Variants in LUC7L3 observed in about 807,000 individuals in gnomAD.
The protein encoded by LUC7L3 is luc7-like protein 3.
In LUC7L3, 6 loss-of-function variants were observed where a neutral mutation model predicts 66.8. The ratio of observed to expected loss-of-function variants is 0.09; its 90% CI spans 0.05 to 0.18. LUC7L3 has a LOEUF of 0.18. Among genes scored for constraint, LUC7L3 ranks in the 10% least tolerant of loss-of-function variants. The pLI is 1.00. For missense variants in LUC7L3, 341 were observed against 531.1 expected (o/e 0.64, Z 3.52); for synonymous variants, 160 against 174.7 (o/e 0.92, Z 0.66).
At position 50,738,869 on chromosome 17, in the gene LUC7L3, C is replaced by A. The variant is rs1055372; in HGVS notation, c.167-1437C>A. ...TGAATGAAAAAGATCCATACCTAGG[C>A]ATACCCCTGTGAAATTTTAGAACAC... On this transcript the variant is annotated intron_variant, in intron 2 of 9. Transcript: ENST00000505658. 4.1e-3 allele frequency among the ~76,000 whole-genome samples: 626 copies of A among 152,028 alleles called. 3 individuals are homozygous for A. The highest frequency in any genetic ancestry group is 0.015 in the African/African-American group (609 of 41,480).
chr17:50,744,850 T>G (rs1476116713), intron 7 of LUC7L3, 37 bp downstream of exon 7: 4 of 1,577,222 alleles, frequency 2.5e-6, no homozygotes, highest in Non-Finnish European at 3.5e-6. Flanking sequence ...AGATTCTTGC[T>G]CTGTCACCTA....
rs118119048 is a variant in LUC7L3 at position 50,752,580 on chromosome 17, C to G, written c.*1919C>G. On this transcript the variant is annotated 3_prime_UTR_variant, in exon 10 of 10. Coordinates refer to ENST00000505658, the MANE Select transcript of LUC7L3 (RefSeq NM_016424.5). ...ACTAAGTGGGATTTCATTTTTACAA[C>G]TCTGCTCTACTTAGCCTTTGGATTT... The G allele has an allele frequency of 3.9e-3, 596 of 154,230 alleles. 3 individuals carry two copies. Among genetic ancestry groups the G allele is most frequent in the Non-Finnish European group, 5.5e-3 (378 of 69,136 alleles). The allele number at this position is 154,230 out of a possible 1,614,324, so 9.6% of individuals were successfully genotyped here. A position where few individuals can be genotyped will look rare whatever the true frequency, so the allele number is the denominator to read the frequency against.
At chr17:50,730,331 T>C (rs1969504157) in intron 1 of LUC7L3, among the ~76,000 whole-genome samples, 1 of 151,204 alleles carries the variant, frequency 6.6e-6, no homozygotes, top group South Asian at 2.1e-4. Flanking sequence ...GAGTTCGAGA[T>C]CAACCATGGT....
At chr17:50,721,808 A>G (rs1968785500) in intron 1 of LUC7L3, among the ~76,000 whole-genome samples, 1 of 152,166 alleles carries the variant, frequency 6.6e-6, no homozygotes, top group South Asian at 2.1e-4. Flanking sequence ...CTATAGCCTA[A>G]TATTTTAACA....
At chr17:50,726,819 G>A (rs1017254873) in intron 1 of LUC7L3, among the ~76,000 whole-genome samples, 1 of 152,092 alleles carries the variant, frequency 6.6e-6, no homozygotes, top group African/African-American at 2.4e-5. Flanking sequence ...GCCAGGCACG[G>A]TGGCTTACGT....
intron 1 of LUC7L3, among the ~76,000 whole-genome samples, chr17:50,732,394 CTTAT>C (rs1311105903): frequency 6.6e-6 from 1 of 151,942 alleles, no homozygotes; most frequent in Non-Finnish European, 1.5e-5. Context: ...TTATTACCTC[CTTAT>C]TTATTTGAGT....
At chr17:50,746,145 C>A in intron 8 of LUC7L3, 142 bp downstream of exon 8, 1 of 1,306,820 alleles carries the variant, frequency 7.7e-7, no homozygotes, top group South Asian at 2.2e-5. Context: ...AGAGCGGAAT[C>A]AGTGAATAAA....
chr17:50,737,013 A>T lies in LUC7L3; in HGVS notation c.153A>T (p.Thr51=). The change falls in exon 2 of 10, where the codon ACA becomes ACT. Residue 51 remains threonine, a synonymous_variant. Transcript: ENST00000505658. ...GFCPAELFTN[T]RSDLGPCEKI... ...GTCCTGCGGAATTGTTCACAAATAC[A>T]CGTTCTGATCTTGGTAAGTGAATTT... 1 of 1,608,754 alleles carries T rather than the reference A, an allele frequency of 6.2e-7. No homozygotes were observed. Among genetic ancestry groups the T allele is most frequent in the Non-Finnish European group, 8.5e-7 (1 of 1,176,754 alleles).
chr17:50,741,612 C>T, intron 4 of LUC7L3, 45 bp from the exon 5 acceptor site: 1 of 1,253,080 alleles, frequency 8.0e-7, no homozygotes, highest in Non-Finnish European at 1.2e-6. Flanking sequence ...GCATGTTTAT[C>T]TTTGTTTTCA....
At position 50,752,780 on chromosome 17, in the gene LUC7L3, TTGTTC is replaced by T. The variant is rs763183405; in HGVS notation, c.*2124_*2128del. 1 of 152,224 alleles carries T rather than the reference TTGTTC, an allele frequency of 6.6e-6. No individual in the cohort carries two copies. The highest frequency in any genetic ancestry group is 1.5e-5 in the Non-Finnish European group (1 of 68,050). The allele number at this position is 152,224 out of a possible 1,614,324, so 9.4% of individuals were successfully genotyped here. On this transcript the variant is annotated 3_prime_UTR_variant, in exon 10 of 10. Coordinates refer to ENST00000505658, the MANE Select transcript of LUC7L3 (RefSeq NM_016424.5). ...GTGTTGGTGTACAGTTTTATCTGAT[TTGTTC>T]TGTTTAAGACTAATTTTTATAGACT...
chr17:50,726,266 G>A (rs953532066), intron 1 of LUC7L3, among the ~76,000 whole-genome samples: 102 of 152,176 alleles, frequency 6.7e-4, no homozygotes, highest in African/African-American at 2.3e-3. Context: ...CTGCTTCCCA[G>A]GTTCAAGCAG....
chr17:50,751,649 G>C lies in LUC7L3; in HGVS notation c.*988G>C. ...TTGTTACACTCAATGCAATTCTCAAGTCTATAAGAGGTATGTGCTTAATAT... is the reference window on the plus strand; with the variant it reads ...TTGTTACACTCAATGCAATTCTCAACTCTATAAGAGGTATGTGCTTAATAT... On this transcript the variant is annotated 3_prime_UTR_variant, in exon 10 of 10. Coordinates refer to ENST00000505658, the MANE Select transcript of LUC7L3 (RefSeq NM_016424.5). The C allele has an allele frequency of 9.0e-7, 1 of 1,109,758 alleles. No homozygotes were observed. The highest frequency in any genetic ancestry group is 1.1e-6 in the Non-Finnish European group (1 of 900,562). The allele number at this position is 1,109,758 out of a possible 1,614,324, so 68.7% of individuals were successfully genotyped here. A position where few individuals can be genotyped will look rare whatever the true frequency, so the allele number is the denominator to read the frequency against.
rs1183815790 is a variant in LUC7L3, at chr17:50,746,571, A to G, written c.1007A>G (p.His336Arg). The change falls in exon 9 of 10, where the codon CAT (histidine) becomes CGT (arginine). Residue 336 changes from histidine (H) to arginine (R), a missense_variant. His to Arg is a conservative substitution (Grantham distance 29). This residue lies in a region of LUC7L3 where 210 missense variants were observed against 238.1 expected (regional missense o/e 0.88). Coordinates refer to ENST00000505658, the MANE Select transcript of LUC7L3 (RefSeq NM_016424.5). Reference protein sequence around the residue: ...RSRDRRRSRSHDRSERKHRSR... With the variant: ...RSRDRRRSRSRDRSERKHRSR... The stretch of plus-strand genomic sequence containing the variant: ...AGAGATCGACGAAGAAGCAGAAGCC[A>G]TGATCGATCAGAAAGAAAACACAGA... The G allele has an allele frequency of 3.7e-6, 6 of 1,613,958 alleles. No homozygotes were observed. The South Asian group carries it at 5.5e-5, about 15-fold the overall frequency.
At chr17:50,740,051 C>T (rs1481427359) in intron 2 of LUC7L3, among the ~76,000 whole-genome samples, 1 of 152,116 alleles carries the variant, frequency 6.6e-6, no homozygotes, top group Non-Finnish European at 1.5e-5. Context: ...TTTTCTCCCT[C>T]CCTCCTTTAC....
chr17:50,719,971 A>G lies in LUC7L3; in HGVS notation c.99+140A>G, dbSNP rs1347430326. 35 of 703,458 alleles carry G rather than the reference A, an allele frequency of 5.0e-5. No homozygotes were observed. In the East Asian group the frequency reaches 9.9e-4, roughly 20 times the overall value. 43.6% of individuals were successfully genotyped at this position (703,458 alleles called of 1,614,324 possible). Reference sequence around the variant, plus strand: ...CGTCTGACCCGGTGCCCATGGAGCCAGGAGGGAGGATGCTGTCCGGACCCG... The same window carrying G: ...CGTCTGACCCGGTGCCCATGGAGCCGGGAGGGAGGATGCTGTCCGGACCCG... On this transcript the variant is annotated intron_variant, in intron 1 of 9. Transcript: ENST00000505658.
rs1970637882 is a variant in LUC7L3 at position 50,745,844 on chromosome 17, G to A, written c.818G>A (p.Arg273Gln). ...AGGGAAGAAAGAGAAAGGAAAAGACGAAGGGAAGAGGAAGAAAGAGAAAAA... is the reference window on the plus strand; with the variant it reads ...AGGGAAGAAAGAGAAAGGAAAAGACAAAGGGAAGAGGAAGAAAGAGAAAAA... The part of the protein sequence containing the change: ...REREERERKR[R>Q]REEEEREKER... The change falls in exon 8 of 10, where the codon CGA (arginine) becomes CAA (glutamine). Residue 273 changes from arginine to glutamine, a missense_variant. Arg to Gln is a conservative substitution (Grantham distance 43). Coordinates refer to ENST00000505658, the MANE Select transcript of LUC7L3 (RefSeq NM_016424.5). 3.8e-6 allele frequency: 6 copies of A among 1,588,498 alleles called. No homozygotes were observed. The highest frequency in any genetic ancestry group is 2.6e-6 in the Non-Finnish European group (3 of 1,161,182).
Position 50,753,926 on chromosome 17 carries a change from T to A in LUC7L3, c.*3265T>A, listed in dbSNP as rs1971062982. On this transcript the variant is annotated 3_prime_UTR_variant, in exon 10 of 10. Coordinates refer to ENST00000505658, the MANE Select transcript of LUC7L3 (RefSeq NM_016424.5). ...GAAGTTACCTGGGATGTGGGGGTGG[T>A]GGGAGGAGGACCTGCCTCCCCAGGA... 6.6e-6 allele frequency: 1 copy of A among 152,134 alleles called. No homozygotes were observed. The highest frequency in any genetic ancestry group is 1.5e-5 in the Non-Finnish European group (1 of 68,024). The allele number at this position is 152,134 out of a possible 1,614,324, so 9.4% of individuals were successfully genotyped here.
At chr17:50,721,425 A>G (rs1192165679) in intron 1 of LUC7L3, among the ~76,000 whole-genome samples, 1 of 152,164 alleles carries the variant, frequency 6.6e-6, no homozygotes, top group Non-Finnish European at 1.5e-5. Context: ...CAGAATAGCA[A>G]TTTAGGTTTT....
intron 1 of LUC7L3, among the ~76,000 whole-genome samples, chr17:50,728,116 CAA>C (rs34210400): frequency 0.025 from 3,244 of 128,518 alleles, 62 homozygotes; most frequent in African/African-American, 0.065. Flanking sequence ...AGATCTGTCT[CAA>C]AAAAAAAAAA....
Sources: gnomAD v4.1 joint callset for allele counts (sites outside exome capture counted in the v4.1 genomes callset) on GRCh38, gnomAD v4.1.1 for gene constraint, gnomAD v4.1.1 regional missense constraint, MANE v1.5 for transcripts, NCBI Gene and HGNC (gene_info 2026-07-23, HGNC 2026-07-21) for gene names.